The following ADCY1 variants were observed in gnomAD, a reference collection of about 807,000 sequenced individuals.
The protein encoded by ADCY1 is adenylate cyclase 1, also known as adenylate cyclase type 1.
Under a neutral mutation model 105.4 loss-of-function variants are expected in ADCY1, and 28 were observed. The observed-to-expected ratio is 0.27, with a 90% CI of 0.20 to 0.36. The LOEUF (loss-of-function observed/expected upper bound fraction) is 0.36, where lower values mean the gene tolerates loss of function less well. Among genes scored for constraint, ADCY1 ranks in the 10% least tolerant of loss-of-function variants. The pLI, the probability that ADCY1 is intolerant of heterozygous loss-of-function variation, is 1.00. For missense variants in ADCY1, 977 were observed against 1,434.2 expected (o/e 0.68, Z 5.15); for synonymous variants, 655 against 623.8 (o/e 1.05, Z -0.75).
chr7:45,664,600 A>G (rs1281591570), intron 8 of ADCY1: 12 of 1,062,254 alleles, frequency 1.1e-5, no homozygotes, highest in Non-Finnish European at 1.5e-5. Context: ...AAAAGCTATC[A>G]TGAACATTTT....
At chr7:45,700,388 G>A (rs924967899) in intron 14 of ADCY1, among the ~76,000 whole-genome samples, 4 of 152,176 alleles carry the variant, frequency 2.6e-5, no homozygotes, top group African/African-American at 9.6e-5. Context: ...TGAACATGAA[G>A]CAATTCAGCC....
chr7:45,624,112 T>C (rs111924496), intron 4 of ADCY1, among the ~76,000 whole-genome samples: 5 of 152,030 alleles, frequency 3.3e-5, no homozygotes, highest in African/African-American at 7.2e-5. Context: ...GCTCCCTTAA[T>C]GAAGGAGGGG....
At chr7:45,696,630 T>G (rs1049150609) in intron 14 of ADCY1, among the ~76,000 whole-genome samples, 46 of 152,158 alleles carry the variant, frequency 3.0e-4, no homozygotes, top group African/African-American at 9.9e-4. Context: ...GGTCAGGCTC[T>G]CAGCCCTCCC....
At position 45,677,948 on chromosome 7, in the gene ADCY1, G is replaced by C; in HGVS notation, c.1685G>C (p.Gly562Ala). The stretch of plus-strand genomic sequence containing the variant: ...ACCAACGTTGTCTACACCACCCCGG[G>C]CACTCGCGTCAACAGGTACATCAGC... ...FSTNVVYTTP[G>A]TRVNRYISRL... The change falls in exon 9 of 20, where the codon GGC becomes GCC. Residue 562 changes from glycine to alanine, a missense_variant. Around this residue, in one of 7 missense-constraint regions of ADCY1, gnomAD observed 275 missense variants for 362.1 expected, o/e 0.76. Transcript: ENST00000297323. 6.2e-7 allele frequency: 1 copy of C among 1,614,180 alleles called. No individual in the cohort carries two copies. Among genetic ancestry groups the C allele is most frequent in the Non-Finnish European group, 8.5e-7 (1 of 1,180,038 alleles).
At position 45,712,086 on chromosome 7, in the gene ADCY1, T is replaced by G. The variant is rs1785268717; in HGVS notation, c.3057+1434T>G. On this transcript the variant is annotated intron_variant, in intron 19 of 19. Coordinates refer to ENST00000297323, the MANE Select transcript of ADCY1 (RefSeq NM_021116.4). ...TATATTTTATATATTATATTAAATA[T>G]ATAATATATTTTATAATTTTATAAT... Among the ~76,000 whole-genome samples, 5 of 132,752 alleles carry G rather than the reference T, an allele frequency of 3.8e-5. No individual in the cohort carries two copies. The South Asian group carries it at 1.1e-3, about 28-fold the overall frequency. 87.1% of individuals were successfully genotyped at this position (132,752 alleles called of 152,430 possible).
chr7:45,654,599 G>T (rs972720885), intron 5 of ADCY1, among the ~76,000 whole-genome samples: 1 of 152,316 alleles, frequency 6.6e-6, no homozygotes, highest in Non-Finnish European at 1.5e-5. Context: ...TTAACAAGGG[G>T]GCTAGTGTGT....
rs1366359650 is a variant in ADCY1, at chr7:45,647,986, A to G, written c.1021-684A>G. On this transcript the variant is annotated intron_variant, in intron 4 of 19. Transcript: ENST00000297323. This position sits in a 1 kb window ranked among gnomAD's most constrained non-coding sequence, Gnocchi z 4.6. The stretch of plus-strand genomic sequence containing the variant: ...TGAAATAAACACAACAGTCGTGATG[A>G]TAATCCCAGTTGACACTGATTGATC... 6.6e-6 allele frequency among the ~76,000 whole-genome samples: 1 copy of G among 152,240 alleles called. No individual in the cohort carries two copies. The highest frequency in any genetic ancestry group is 1.5e-5 in the Non-Finnish European group (1 of 68,038).
chr7:45,657,900 GGGTGGGGAGGGGAGGGA>G lies in ADCY1; in HGVS notation c.1307+22_1307+38del. ...GGCCTGCCAGGGTAAGTCGGGGATG[GGGTGGGGAGGGGAGGGA>G]GGTGGGTGATGGCTGTGCACCCCTG... On this transcript the variant is annotated intron_variant, in intron 6 of 19. Coordinates refer to ENST00000297323, the MANE Select transcript of ADCY1 (RefSeq NM_021116.4). The G allele has an allele frequency of 1.3e-6, 2 of 1,580,032 alleles. No individual in the cohort carries two copies. Among genetic ancestry groups the G allele is most frequent in the Non-Finnish European group, 1.7e-6 (2 of 1,157,334 alleles).
intron 3 of ADCY1, among the ~76,000 whole-genome samples, chr7:45,616,961 A>G (rs116331166): frequency 1.1e-4 from 16 of 152,306 alleles, no homozygotes; most frequent in African/African-American, 3.8e-4. Flanking sequence ...GATCCAGGTG[A>G]TGGTAGGGCA....
At chr7:45,684,523 G>A (rs1325315055) in intron 11 of ADCY1, 1 of 152,950 alleles carries the variant, frequency 6.5e-6, no homozygotes, top group East Asian at 1.9e-4. Context: ...CAAAATGTCT[G>A]TATAATACAT....
chr7:45,612,143 CT>C (rs1793610761), intron 3 of ADCY1, among the ~76,000 whole-genome samples: 1 of 152,204 alleles, frequency 6.6e-6, no homozygotes, highest in African/African-American at 2.4e-5. Context: ...TGTTGTCCTC[CT>C]TCTGCAGAGG....
chr7:45,617,247 C>T (rs1420576856), intron 3 of ADCY1, among the ~76,000 whole-genome samples: 1 of 152,194 alleles, frequency 6.6e-6, no homozygotes, highest in Non-Finnish European at 1.5e-5. Flanking sequence ...AACTGAGAAG[C>T]AATCATGGTG....
At chr7:45,660,881 G>A (rs2116120767) in intron 7 of ADCY1, among the ~76,000 whole-genome samples, 1 of 151,172 alleles carries the variant, frequency 6.6e-6, no homozygotes, top group East Asian at 2.0e-4. Flanking sequence ...CAGGGCTCAG[G>A]TGAGGTGTTC....
At position 45,660,323 on chromosome 7, in the gene ADCY1, C is replaced by G. The variant is rs966453821; in HGVS notation, c.1449+140C>G. 7 of 1,206,260 alleles carry G rather than the reference C, an allele frequency of 5.8e-6. No homozygotes were observed. The African/African-American group carries it at 1.1e-4, about 18-fold the overall frequency. 74.7% of individuals were successfully genotyped at this position (1,206,260 alleles called of 1,614,324 possible). Reference sequence around the variant, plus strand: ...ACTTGCTAAGATGGGGAGAGTTGTCCCCACTGACACCGTCCTGAGCCTTGT... The same window carrying G: ...ACTTGCTAAGATGGGGAGAGTTGTCGCCACTGACACCGTCCTGAGCCTTGT... On this transcript the variant is annotated intron_variant, in intron 7 of 19. Coordinates refer to ENST00000297323, the MANE Select transcript of ADCY1 (RefSeq NM_021116.4).
chr7:45,610,114 G>T (rs1030745156), intron 2 of ADCY1, among the ~76,000 whole-genome samples: 2 of 152,214 alleles, frequency 1.3e-5, no homozygotes, highest in African/African-American at 4.8e-5. Context: ...CTGTAACCCT[G>T]CTGTACACTG....
At chr7:45,663,942 G>T (rs1050847456) in intron 8 of ADCY1, among the ~76,000 whole-genome samples, 1 of 152,204 alleles carries the variant, frequency 6.6e-6, no homozygotes, top group Non-Finnish European at 1.5e-5. Flanking sequence ...GTGCTGTTGC[G>T]GGGAGAGGTT....
intron 9 of ADCY1, 38 bp from the exon 10 acceptor site, chr7:45,678,128 G>C: frequency 6.2e-7 from 1 of 1,613,182 alleles, no homozygotes; most frequent in Non-Finnish European, 8.5e-7. Flanking sequence ...GCTGGAGGAA[G>C]CCCTCAGCCC....
chr7:45,648,291 G>A (rs1213939469), intron 4 of ADCY1, among the ~76,000 whole-genome samples: 1 of 152,236 alleles, frequency 6.6e-6, no homozygotes, highest in Non-Finnish European at 1.5e-5. Flanking sequence ...GGTCTGCATG[G>A]CGGTTAAGGG....
chr7:45,680,081 A>G (rs1020707383), intron 11 of ADCY1, among the ~76,000 whole-genome samples: 21 of 152,200 alleles, frequency 1.4e-4, no homozygotes, highest in African/African-American at 5.1e-4. Context: ...GTCTGCTCAT[A>G]TAGCAGGTGC....
Sources: gnomAD v4.1 joint callset for allele counts (sites outside exome capture counted in the v4.1 genomes callset) on GRCh38, gnomAD v4.1.1 for gene constraint, gnomAD v4.1.1 regional missense constraint, Gnocchi (gnomAD v3.1) non-coding constraint, MANE v1.5 for transcripts, NCBI Gene and HGNC (gene_info 2026-07-23, HGNC 2026-07-21) for gene names.